The following CFAP299 variants were observed in gnomAD, a reference collection of about 807,000 sequenced individuals.
CFAP299 encodes the protein cilia- and flagella-associated protein 299.
In CFAP299, 21 loss-of-function variants were observed where a neutral mutation model predicts 27.0. That is an observed-to-expected ratio of 0.78 (90% CI 0.55 to 1.12). The LOEUF (loss-of-function observed/expected upper bound fraction) is 1.12, where lower values mean the gene tolerates loss of function less well. Among genes scored for constraint, CFAP299 ranks in the 50% most tolerant of loss-of-function variants. The pLI, the probability that CFAP299 is intolerant of heterozygous loss-of-function variation, is 0.00. For missense variants in CFAP299, 310 were observed against 276.6 expected (o/e 1.12, Z -0.86); for synonymous variants, 104 against 98.1 (o/e 1.06, Z -0.36).
intron 2 of CFAP299, among the ~76,000 whole-genome samples, chr4:80,403,331 TAATCTTCAAGCAAAG>T (rs1354330270): frequency 6.6e-6 from 1 of 152,204 alleles, no homozygotes; most frequent in Non-Finnish European, 1.5e-5. Flanking sequence ...GATAAGCAAA[TAATCTTCAAGCAAAG>T]AAGATACAGT....
rs115402755 is a variant in CFAP299, at chr4:80,715,015, G to T, written c.333+131832G>T. 6.7e-3 allele frequency among the ~76,000 whole-genome samples: 1,025 copies of T among 152,072 alleles called. 13 individuals are homozygous for T. The highest frequency in any genetic ancestry group is 0.024 in the African/African-American group (977 of 41,520). Reference sequence around the variant, plus strand: ...CTAGAGTTCTTACTGAATTCCACAGGGCTGACTCTTGGCAAGTTTAGGAGT... The same window carrying T: ...CTAGAGTTCTTACTGAATTCCACAGTGCTGACTCTTGGCAAGTTTAGGAGT... On this transcript the variant is annotated intron_variant, in intron 3 of 5. Transcript: ENST00000358105.
At chr4:80,576,191 A>ATATATATAT (rs1308158560) in intron 2 of CFAP299, among the ~76,000 whole-genome samples, 1 of 29,682 alleles carries the variant, frequency 3.4e-5, no homozygotes, top group African/African-American at 1.1e-4. Context: ...TAATAATAAA[A>ATATATATAT]AAAAAAATAT....
intron 2 of CFAP299, among the ~76,000 whole-genome samples, chr4:80,510,230 A>G (rs1732229651): frequency 1.3e-5 from 2 of 152,146 alleles, no homozygotes; most frequent in African/African-American, 2.4e-5. Context: ...AAATTGCACT[A>G]CAAGTTAATT....
At chr4:80,370,012 T>C (rs184681627) in intron 2 of CFAP299, among the ~76,000 whole-genome samples, 128 of 152,240 alleles carry the variant, frequency 8.4e-4, no homozygotes, top group South Asian at 1.7e-3. Context: ...AGAAAAGAGG[T>C]TTAATTGGTT....
At chr4:80,723,303 T>C (rs1722946587) in intron 3 of CFAP299, among the ~76,000 whole-genome samples, 1 of 152,198 alleles carries the variant, frequency 6.6e-6, no homozygotes, top group South Asian at 2.1e-4. Flanking sequence ...TAAATGGTTA[T>C]TGGAGCATTA....
At chr4:80,809,827 T>A (rs201068646) in intron 3 of CFAP299, among the ~76,000 whole-genome samples, 1 of 152,114 alleles carries the variant, frequency 6.6e-6, no homozygotes, top group Non-Finnish European at 1.5e-5. Flanking sequence ...AAATGTGACA[T>A]CAATGTAGTT....
intron 4 of CFAP299, among the ~76,000 whole-genome samples, chr4:80,880,394 T>C (rs1733633674): frequency 6.6e-6 from 1 of 151,972 alleles, no homozygotes; most frequent in Admixed American, 6.6e-5. Flanking sequence ...ATAACAACAG[T>C]ATTAGTACCA....
At chr4:80,551,939 G>A (rs1316423287) in intron 2 of CFAP299, among the ~76,000 whole-genome samples, 1 of 152,058 alleles carries the variant, frequency 6.6e-6, no homozygotes, top group Non-Finnish European at 1.5e-5. Flanking sequence ...AGTAGAGACA[G>A]GGTTTCACCA....
chr4:80,588,953 G>C (rs1266685976), intron 3 of CFAP299, among the ~76,000 whole-genome samples: 1 of 152,082 alleles, frequency 6.6e-6, no homozygotes, highest in Non-Finnish European at 1.5e-5. Flanking sequence ...TTATATAACT[G>C]GTTAGTGAGT....
intron 2 of CFAP299, among the ~76,000 whole-genome samples, chr4:80,506,632 A>G (rs1056789801): frequency 6.6e-6 from 1 of 152,146 alleles, no homozygotes; most frequent in African/African-American, 2.4e-5. Context: ...GAAGCCCTTA[A>G]CTGAATTCTG....
At chr4:80,653,878 A>G (rs1196050007) in intron 3 of CFAP299, among the ~76,000 whole-genome samples, 7 of 152,130 alleles carry the variant, frequency 4.6e-5, no homozygotes, top group Non-Finnish European at 1.5e-5. Context: ...GACATTTCAT[A>G]TGAGTGTTTT....
At chr4:80,825,492 C>T (rs959115236) in intron 3 of CFAP299, among the ~76,000 whole-genome samples, 10 of 151,844 alleles carry the variant, frequency 6.6e-5, no homozygotes, top group African/African-American at 2.4e-4. Context: ...ATTCTTAAAA[C>T]AACAAGAGAG....
intron 4 of CFAP299, among the ~76,000 whole-genome samples, chr4:80,916,295 A>ATATATATATT (rs1405206483): frequency 2.2e-4 from 27 of 125,558 alleles, no homozygotes; most frequent in African/African-American, 7.9e-4. Flanking sequence ...ATATATATAT[A>ATATATATATT]TTTCAGGTAC....
At chr4:80,411,568 C>A (rs954188481) in intron 2 of CFAP299, among the ~76,000 whole-genome samples, 1 of 151,842 alleles carries the variant, frequency 6.6e-6, no homozygotes, top group Admixed American at 6.6e-5. Context: ...AATAAACAAC[C>A]TTTGCTATAT....
chr4:80,388,241 C>T (rs1462186519), intron 2 of CFAP299: 8 of 692,372 alleles, frequency 1.2e-5, no homozygotes, highest in African/African-American at 1.8e-5. Context: ...CTGCACAGGT[C>T]GCGGGCCCTA....
chr4:80,536,497 G>A (rs560089862), intron 2 of CFAP299, among the ~76,000 whole-genome samples: 2 of 152,272 alleles, frequency 1.3e-5, no homozygotes, highest in South Asian at 4.1e-4. Flanking sequence ...AAAGTGGCAT[G>A]ATGCTACCAT....
At chr4:80,334,361 A>G (rs1722044155), upstream of CFAP299, among the ~76,000 whole-genome samples, 1 of 152,200 alleles carries the variant, frequency 6.6e-6, no homozygotes, top group East Asian at 1.9e-4. Context: ...CTTAAAAGTG[A>G]TGAAATCTTG....
intron 4 of CFAP299, among the ~76,000 whole-genome samples, chr4:80,904,616 T>TA: frequency 6.6e-6 from 1 of 151,950 alleles, no homozygotes; most frequent in Non-Finnish European, 1.5e-5. Flanking sequence ...AGTTAGGCCC[T>TA]AAAAAAAGAG....
chr4:80,704,710 T>C (rs549230881), intron 3 of CFAP299, among the ~76,000 whole-genome samples: 15 of 151,932 alleles, frequency 9.9e-5, no homozygotes, highest in African/African-American at 3.4e-4. Flanking sequence ...TGAATAAATA[T>C]TGGTTACCAA....
Sources: gnomAD v4.1 joint callset for allele counts (sites outside exome capture counted in the v4.1 genomes callset) on GRCh38, gnomAD v4.1.1 for gene constraint, MANE v1.5 for transcripts, NCBI Gene and HGNC (gene_info 2026-07-23, HGNC 2026-07-21) for gene names.